Variants in RBPMS observed in about 807,000 individuals in gnomAD.
The protein encoded by RBPMS is RNA-binding protein with multiple splicing.
Under a neutral mutation model 26.8 loss-of-function variants are expected in RBPMS, and 7 were observed. That is an observed-to-expected ratio of 0.26 (90% CI 0.15 to 0.49). The LOEUF is 0.49. Among genes scored for constraint, RBPMS ranks in the 20% least tolerant of loss-of-function variants. The pLI, the probability that RBPMS is intolerant of heterozygous loss-of-function variation, is 0.98. For missense variants in RBPMS, 186 were observed against 250.0 expected (o/e 0.74, Z 1.73); for synonymous variants, 96 against 93.3 (o/e 1.03, Z -0.17).
At chr8:30,555,797 C>A in intron 6 of RBPMS, 2 of 778,540 alleles carry the variant, frequency 2.6e-6, no homozygotes, top group Non-Finnish European at 3.1e-6. Flanking sequence ...ATGGGATGGG[C>A]AGGAGTGACC....
At chr8:30,389,338 A>T (rs1470257884) in intron 1 of RBPMS, among the ~76,000 whole-genome samples, 1 of 152,192 alleles carries the variant, frequency 6.6e-6, no homozygotes, top group Non-Finnish European at 1.5e-5. Flanking sequence ...AGTCTTCTTC[A>T]TTCCCAGTGG....
chr8:30,553,589 G>C (rs887125742), intron 6 of RBPMS: 1 of 152,246 alleles, frequency 6.6e-6, no homozygotes, highest in African/African-American at 2.4e-5. Context: ...GGTAGTCACT[G>C]TGTGAGTGGT....
chr8:30,427,909 C>T (rs1246594745), intron 1 of RBPMS, among the ~76,000 whole-genome samples: 1 of 152,030 alleles, frequency 6.6e-6, no homozygotes, highest in Non-Finnish European at 1.5e-5. Flanking sequence ...AGCAACTAGG[C>T]CAGGTGCCAT....
chr8:30,480,620 C>G (rs1818172984), intron 4 of RBPMS, among the ~76,000 whole-genome samples: 1 of 152,218 alleles, frequency 6.6e-6, no homozygotes, highest in Non-Finnish European at 1.5e-5. Flanking sequence ...TAACTGCCTA[C>G]TCACTCTGTT....
chr8:30,385,172 C>G lies in RBPMS; in HGVS notation c.66+14C>G. The G allele has an allele frequency of 6.8e-7, 1 of 1,479,740 alleles. No individual in the cohort carries two copies. The highest frequency in any genetic ancestry group is 9.0e-7 in the Non-Finnish European group (1 of 1,112,428). The allele number at this position is 1,479,740 out of a possible 1,614,324, so 91.7% of individuals were successfully genotyped here. A position where few individuals can be genotyped will look rare whatever the true frequency, so the allele number is the denominator to read the frequency against. On this transcript the variant is annotated intron_variant, in intron 1 of 8. Transcript: ENST00000397323. ...CAGGAGGAGGAGGTACTGGGCGGCT[C>G]GGTGTGGTGGCGGGGGCGACGCGGG...
chr8:30,530,744 G>A lies in RBPMS; in HGVS notation c.398-13750G>A, dbSNP rs1416330132. Among the ~76,000 whole-genome samples the A allele has an allele frequency of 3.3e-5, 5 of 152,288 alleles. No individual in the cohort carries two copies. The South Asian group carries it at 1.0e-3, about 32-fold the overall frequency. Reference sequence around the variant, plus strand: ...CCCAAAATGCTGGGATTACAGGCGTGAGCCACCACGCCTGGCCATTCATGG... The same window carrying A: ...CCCAAAATGCTGGGATTACAGGCGTAAGCCACCACGCCTGGCCATTCATGG... On this transcript the variant is annotated intron_variant, in intron 5 of 8. Transcript: ENST00000397323.
chr8:30,530,887 G>T (rs1461094811), intron 5 of RBPMS, among the ~76,000 whole-genome samples: 1 of 152,104 alleles, frequency 6.6e-6, no homozygotes, highest in East Asian at 1.9e-4. Context: ...AGGTCACATA[G>T]ATGGTAAGTG....
chr8:30,454,528 G>A (rs1349344667), intron 1 of RBPMS, among the ~76,000 whole-genome samples: 1 of 151,888 alleles, frequency 6.6e-6, no homozygotes, highest in African/African-American at 2.4e-5. Flanking sequence ...GGGACAAATT[G>A]TTGTTATTTA....
chr8:30,384,931 C>G lies in RBPMS; in HGVS notation c.-162C>G. On this transcript the variant is annotated 5_prime_UTR_variant, in exon 1 of 9. Coordinates refer to ENST00000397323, the MANE Select transcript of RBPMS (RefSeq NM_001008710.3). The surrounding 1 kb of genome is among the most constrained non-coding windows in gnomAD (Gnocchi z 5.6). ...CTCGCCGCGGGAGCCCCAGCCCAAC[C>G]CGAGCCCGACAGCCACTGCCCCGGC... is the stretch of plus-strand genomic sequence containing the variant. The G allele has an allele frequency of 2.4e-6, 1 of 425,300 alleles. No homozygotes were observed. Among genetic ancestry groups the G allele is most frequent in the East Asian group, 4.2e-5 (1 of 24,000 alleles). 26.3% of individuals were successfully genotyped at this position (425,300 alleles called of 1,614,324 possible).
chr8:30,559,976 AGAC>A (rs1354441306), intron 7 of RBPMS, among the ~76,000 whole-genome samples: 1 of 152,208 alleles, frequency 6.6e-6, no homozygotes, highest in Non-Finnish European at 1.5e-5. Context: ...CCATTTAGAT[AGAC>A]TCTTCTGGAG....
At chr8:30,477,586 C>CTTTTTTTAAAGATTTTTTTTTTAG in intron 2 of RBPMS, among the ~76,000 whole-genome samples, 1 of 151,496 alleles carries the variant, frequency 6.6e-6, no homozygotes, top group East Asian at 2.0e-4. Flanking sequence ...CAGATAAATC[C>CTTTTTTTAAAGATTTTTTTTTTAG]ATAGATTGAT....
At chr8:30,385,255 C>G in intron 1 of RBPMS, 97 bp downstream of exon 1, 2 of 811,068 alleles carry the variant, frequency 2.5e-6, no homozygotes, top group South Asian at 3.0e-5. Context: ...GAAGAAGGTT[C>G]AGGCATGGCC....
chr8:30,520,781 C>G (rs1004263036), intron 5 of RBPMS, among the ~76,000 whole-genome samples: 2 of 151,998 alleles, frequency 1.3e-5, no homozygotes, highest in African/African-American at 4.8e-5. Flanking sequence ...ACAGAAAAAC[C>G]CACTTTTACA....
At position 30,529,879 on chromosome 8, in the gene RBPMS, G is replaced by A. The variant is rs145452925; in HGVS notation, c.398-14615G>A. On this transcript the variant is annotated intron_variant, in intron 5 of 8. Transcript: ENST00000397323. Reference sequence around the variant, plus strand: ...AGCGATTCTGCTGCCTCAGTCTCCCGAATAGCTGGGATTGCAGGCATGTGT... The same window carrying A: ...AGCGATTCTGCTGCCTCAGTCTCCCAAATAGCTGGGATTGCAGGCATGTGT... Among the ~76,000 whole-genome samples the A allele has an allele frequency of 4.6e-5, 7 of 151,668 alleles. No homozygotes were observed. In the East Asian group the frequency reaches 7.8e-4, roughly 17 times the overall value.
intron 5 of RBPMS, among the ~76,000 whole-genome samples, chr8:30,529,133 C>A (rs910084476): frequency 1.3e-5 from 2 of 151,970 alleles, no homozygotes; most frequent in African/African-American, 4.8e-5. Flanking sequence ...GCGGGAAAAT[C>A]GCTGGAACCC....
chr8:30,411,654 C>A (rs1220997664), intron 1 of RBPMS, among the ~76,000 whole-genome samples: 4 of 115,088 alleles, frequency 3.5e-5, no homozygotes, highest in African/African-American at 1.4e-4. Flanking sequence ...GACAGCAAGA[C>A]CCTGTCTCAG....
At chr8:30,532,450 A>G (rs1316881043) in intron 5 of RBPMS, among the ~76,000 whole-genome samples, 1 of 152,224 alleles carries the variant, frequency 6.6e-6, no homozygotes, top group East Asian at 1.9e-4. Flanking sequence ...AACTATATGC[A>G]TGTCAAATTC....
intron 4 of RBPMS, among the ~76,000 whole-genome samples, chr8:30,497,591 G>C (rs1024169728): frequency 6.6e-6 from 1 of 151,868 alleles, no homozygotes; most frequent in African/African-American, 2.4e-5. Context: ...GCTCTCTCTA[G>C]AAAATGGTTT....
chr8:30,474,399 T>G (rs1408941029), intron 1 of RBPMS, among the ~76,000 whole-genome samples: 1 of 152,180 alleles, frequency 6.6e-6, no homozygotes, highest in African/African-American at 2.4e-5. Context: ...TAAGCTAATA[T>G]TTAAATTATA....
Sources: gnomAD v4.1 joint callset for allele counts (sites outside exome capture counted in the v4.1 genomes callset) on GRCh38, gnomAD v4.1.1 for gene constraint, Gnocchi (gnomAD v3.1) non-coding constraint, MANE v1.5 for transcripts, NCBI Gene and HGNC (gene_info 2026-07-23, HGNC 2026-07-21) for gene names.